GRID1: variants seen among roughly 807,000 people sequenced by gnomAD.
GRID1 encodes the protein glutamate ionotropic receptor delta type subunit 1.
A neutral mutation model predicts 98.0 loss-of-function variants in GRID1; 28 were observed. The ratio of observed to expected loss-of-function variants is 0.29; its 90% CI spans 0.21 to 0.39. The LOEUF is 0.39. Among genes scored for constraint, GRID1 ranks in the 10% least tolerant of loss-of-function variants. The pLI, the probability that GRID1 is intolerant of heterozygous loss-of-function variation, is 1.00. For synonymous variants in GRID1, 553 were observed against 538.5 expected, an observed-to-expected ratio of 1.03 and a Z score of -0.37; for missense variants, 1,111 against 1,340.5, an observed-to-expected ratio of 0.83 and a Z score of 2.67.
chr10:85,949,931 GATGGATGGATGC>G (rs1398832385), intron 4 of GRID1, among the ~76,000 whole-genome samples: 1 of 151,950 alleles, frequency 6.6e-6, no homozygotes, highest in Non-Finnish European at 1.5e-5. Context: ...TGGATGGATG[GATGGATGGATGC>G]ATGGATGGAT....
At chr10:85,958,691 C>T (rs1354690390) in intron 4 of GRID1, among the ~76,000 whole-genome samples, 10 of 152,170 alleles carry the variant, frequency 6.6e-5, no homozygotes, top group African/African-American at 2.2e-4. Context: ...GGCGTGGTGG[C>T]TCACACCTGT....
chr10:85,732,423 T>C (rs187956885), intron 8 of GRID1, among the ~76,000 whole-genome samples: 4 of 152,320 alleles, frequency 2.6e-5, no homozygotes, highest in South Asian at 2.1e-4. Flanking sequence ...CTCTACTGTC[T>C]TGGCTTGGAT....
chr10:85,991,191 G>A (rs61856007), intron 4 of GRID1, among the ~76,000 whole-genome samples: 8,536 of 152,292 alleles, frequency 0.056, 304 homozygotes, highest in Middle Eastern at 0.092. Context: ...AGTTCCTTAC[G>A]ATGCTGGTGG....
At chr10:85,791,504 C>T (rs543880669) in intron 8 of GRID1, among the ~76,000 whole-genome samples, 1 of 152,088 alleles carries the variant, frequency 6.6e-6, no homozygotes, top group African/African-American at 2.4e-5. Flanking sequence ...GACCCTGGTC[C>T]CCAGTCCCTC....
At chr10:85,867,707 G>A (rs189020488) in intron 6 of GRID1, among the ~76,000 whole-genome samples, 55 of 152,324 alleles carry the variant, frequency 3.6e-4, no homozygotes, top group African/African-American at 1.2e-3. Flanking sequence ...AGTGATGCGG[G>A]GGCCTTGGGT....
intron 5 of GRID1, among the ~76,000 whole-genome samples, chr10:85,901,239 A>ATTTATTTG (rs1564622088): frequency 4.5e-4 from 68 of 149,474 alleles, no homozygotes; most frequent in African/African-American, 1.6e-3. Flanking sequence ...TTATTTATTT[A>ATTTATTTG]TTTATTTATT....
chr10:85,814,226 G>A (rs2131746254), intron 8 of GRID1, among the ~76,000 whole-genome samples: 1 of 151,962 alleles, frequency 6.6e-6, no homozygotes, highest in Non-Finnish European at 1.5e-5. Flanking sequence ...TAAATGCCAG[G>A]CAGATTGAAA....
intron 2 of GRID1, among the ~76,000 whole-genome samples, chr10:86,361,274 T>C (rs1848597579): frequency 6.6e-6 from 1 of 152,128 alleles, no homozygotes; most frequent in Non-Finnish European, 1.5e-5. Flanking sequence ...GCTCCTCCCA[T>C]CCCTTGTAGG....
intron 8 of GRID1, among the ~76,000 whole-genome samples, chr10:85,840,493 C>T (rs1842951949): frequency 6.6e-6 from 1 of 152,036 alleles, no homozygotes; most frequent in Admixed American, 6.6e-5. Context: ...CCAGGGCAAT[C>T]AGACAAGAGA....
At chr10:85,756,486 A>G (rs1842099841) in intron 8 of GRID1, among the ~76,000 whole-genome samples, 1 of 152,172 alleles carries the variant, frequency 6.6e-6, no homozygotes, top group Admixed American at 6.5e-5. Context: ...TGAAATCCTA[A>G]GACAGACAAT....
chr10:86,261,189 G>A (rs1334519690), intron 2 of GRID1, among the ~76,000 whole-genome samples: 1 of 152,226 alleles, frequency 6.6e-6, no homozygotes, highest in Non-Finnish European at 1.5e-5. Context: ...GGAAACTGAG[G>A]CTTACACAAG....
At position 86,070,905 on chromosome 10, in the gene GRID1, C is replaced by A. The variant is rs547883314; in HGVS notation, c.726+67914G>T. On this transcript the variant is annotated intron_variant, in intron 4 of 15. Coordinates refer to ENST00000327946, the MANE Select transcript of GRID1 (RefSeq NM_017551.3). ...CATCTGGGAAGAGAACCACTGCATG[C>A]ACATCTCCCTCCCTGCAAGCCACTG... is the stretch of plus-strand genomic sequence containing the variant. 2.6e-5 allele frequency among the ~76,000 whole-genome samples: 4 copies of A among 152,250 alleles called. No homozygotes were observed. In the South Asian group the frequency reaches 8.3e-4, roughly 32 times the overall value.
At chr10:85,986,810 G>A (rs1243077667) in intron 4 of GRID1, among the ~76,000 whole-genome samples, 1 of 152,200 alleles carries the variant, frequency 6.6e-6, no homozygotes. Flanking sequence ...ATACTGCAAA[G>A]GACAGCACAG....
At chr10:85,895,456 T>C (rs1375182643) in intron 5 of GRID1, among the ~76,000 whole-genome samples, 1 of 152,144 alleles carries the variant, frequency 6.6e-6, no homozygotes, top group Non-Finnish European at 1.5e-5. Flanking sequence ...TGCCACAGAA[T>C]ATCCTCCCAC....
At chr10:85,637,374 G>A (rs546820115) in intron 13 of GRID1, among the ~76,000 whole-genome samples, 2 of 152,294 alleles carry the variant, frequency 1.3e-5, no homozygotes, top group Non-Finnish European at 2.9e-5. Flanking sequence ...GGGGAGATTT[G>A]AGTGGATCTG....
chr10:85,904,235 A>G (rs192114454), intron 5 of GRID1, among the ~76,000 whole-genome samples: 2 of 152,252 alleles, frequency 1.3e-5, no homozygotes, highest in Non-Finnish European at 2.9e-5. Context: ...CAAAAAGACT[A>G]GGAAAAACCT....
chr10:86,025,252 C>G (rs1197221604), intron 4 of GRID1, among the ~76,000 whole-genome samples: 1 of 152,150 alleles, frequency 6.6e-6, no homozygotes, highest in East Asian at 1.9e-4. Context: ...CCAAGTCTTC[C>G]TTTTGGGAGC....
At chr10:85,615,212 G>A (rs1055011090) in intron 14 of GRID1, among the ~76,000 whole-genome samples, 1 of 152,180 alleles carries the variant, frequency 6.6e-6, no homozygotes, top group Non-Finnish European at 1.5e-5. Context: ...CAGCATCATG[G>A]GTCCAGTACA....
chr10:85,673,210 TG>T, intron 12 of GRID1, among the ~76,000 whole-genome samples: 1 of 152,214 alleles, frequency 6.6e-6, no homozygotes, highest in Admixed American at 6.5e-5. Context: ...CGAACTTAAA[TG>T]GGTGAACATT....
Sources: allele counts gnomAD v4.1 joint callset (sites outside exome capture counted in the v4.1 genomes callset), GRCh38; gene constraint gnomAD v4.1.1; transcripts MANE v1.5; gene names NCBI Gene and HGNC (gene_info 2026-07-23, HGNC 2026-07-21).